Variants in ABLIM1 observed in about 807,000 individuals in gnomAD.
The protein encoded by ABLIM1 is actin-binding LIM protein 1.
In ABLIM1, 40 loss-of-function variants were observed where a neutral mutation model predicts 107.0. The ratio of observed to expected loss-of-function variants is 0.37; its 90% CI spans 0.29 to 0.49. The LOEUF is 0.49. Among genes scored for constraint, ABLIM1 ranks in the 20% least tolerant of loss-of-function variants. The pLI, the probability that ABLIM1 is intolerant of heterozygous loss-of-function variation, is 0.97. For missense variants in ABLIM1, 857 were observed against 1,008.5 expected (o/e 0.85, Z 2.04); for synonymous variants, 357 against 357.3 (o/e 1.00, Z 0.01).
chr10:114,527,386 A>G (rs993400974), intron 6 of ABLIM1, among the ~76,000 whole-genome samples: 7 of 152,296 alleles, frequency 4.6e-5, no homozygotes, highest in Admixed American at 3.3e-4. Flanking sequence ...CTTGATTCAT[A>G]TTTTTGGTAC....
chr10:114,490,416 A>T (rs1246614954), intron 7 of ABLIM1, among the ~76,000 whole-genome samples: 3 of 152,276 alleles, frequency 2.0e-5, no homozygotes, highest in Non-Finnish European at 4.4e-5. Context: ...CTTTCTGTAG[A>T]CTTTCCTAAG....
At chr10:114,565,442 C>T (rs890521186) in intron 4 of ABLIM1, among the ~76,000 whole-genome samples, 3 of 152,188 alleles carry the variant, frequency 2.0e-5, no homozygotes, top group Non-Finnish European at 4.4e-5. Context: ...TTTATAAGTA[C>T]ATAGCATTTT....
chr10:114,704,335 T>TATATATATATATATATATA (rs3061769), intron 1 of ABLIM1, among the ~76,000 whole-genome samples: 7 of 83,424 alleles, frequency 8.4e-5, no homozygotes, highest in Admixed American at 1.3e-4. Context: ...TATATATATA[T>TATATATATATATATATATA]TGCGCGCGTT....
rs1441961330 is a variant in ABLIM1, at chr10:114,520,862, C to T, written c.894+24143G>A. ...GCATGATGGCATGCACCTGTAGTCC[C>T]GGGACTCAGGAGACTGAGGCAGGGA... On this transcript the variant is annotated intron_variant, in intron 6 of 22. Coordinates refer to ENST00000533213, the MANE Select transcript of ABLIM1 (RefSeq NM_002313.7). 3.3e-5 allele frequency among the ~76,000 whole-genome samples: 5 copies of T among 151,804 alleles called. No homozygotes were observed. The East Asian group carries it at 5.8e-4, about 18-fold the overall frequency.
At chr10:114,481,655 G>A (rs769875944) in intron 8 of ABLIM1, among the ~76,000 whole-genome samples, 10 of 152,176 alleles carry the variant, frequency 6.6e-5, no homozygotes, top group South Asian at 2.1e-4. Flanking sequence ...GGTGCTGTGC[G>A]CACACACCAC....
chr10:114,648,220 A>T (rs2079087436), intron 1 of ABLIM1, among the ~76,000 whole-genome samples: 1 of 152,228 alleles, frequency 6.6e-6, no homozygotes, highest in Non-Finnish European at 1.5e-5. Context: ...ACACAAAAAC[A>T]TGTAACAAGT....
chr10:114,529,365 G>A (rs1046889326), intron 6 of ABLIM1, among the ~76,000 whole-genome samples: 3 of 151,868 alleles, frequency 2.0e-5, no homozygotes, highest in South Asian at 2.1e-4. Flanking sequence ...ACTCATGATC[G>A]CCTGCCTCAA....
upstream of ABLIM1, among the ~76,000 whole-genome samples, chr10:114,770,442 C>G (rs1414749759): frequency 6.6e-6 from 1 of 152,074 alleles, no homozygotes; most frequent in Non-Finnish European, 1.5e-5. Context: ...ACTATTTTTC[C>G]CTCTGTTTCT....
At chr10:114,542,047 G>A (rs1055034541) in intron 6 of ABLIM1, among the ~76,000 whole-genome samples, 7 of 152,162 alleles carry the variant, frequency 4.6e-5, no homozygotes, top group African/African-American at 7.2e-5. Flanking sequence ...TGGGGACCAC[G>A]TTCAGTATTT....
intron 1 of ABLIM1, chr10:114,684,240 G>A: frequency 6.4e-7 from 1 of 1,562,804 alleles, no homozygotes; most frequent in Non-Finnish European, 8.7e-7. Context: ...TAAAGACACG[G>A]TCGACCCCAG....
chr10:114,639,484 A>G (rs2078637975), intron 1 of ABLIM1, among the ~76,000 whole-genome samples: 1 of 152,180 alleles, frequency 6.6e-6, no homozygotes, highest in Non-Finnish European at 1.5e-5. Flanking sequence ...GCCTGATTAA[A>G]CACAGGCTGG....
chr10:114,511,207 T>C (rs1246631981), intron 6 of ABLIM1, among the ~76,000 whole-genome samples: 25 of 152,000 alleles, frequency 1.6e-4, no homozygotes, highest in Admixed American at 1.6e-3. Flanking sequence ...CAAACTAGTA[T>C]ACAAAAAATG....
intron 4 of ABLIM1, among the ~76,000 whole-genome samples, chr10:114,562,389 C>T (rs965479451): frequency 2.6e-5 from 4 of 152,028 alleles, no homozygotes; most frequent in Admixed American, 6.6e-5. Context: ...ATTAGCCGGG[C>T]GTGGTGGCGG....
intron 6 of ABLIM1, among the ~76,000 whole-genome samples, chr10:114,544,767 C>T (rs2067105186): frequency 6.6e-6 from 1 of 152,200 alleles, no homozygotes; most frequent in Admixed American, 6.5e-5. Context: ...ATAACTCCTA[C>T]CAGAACCTTT....
At chr10:114,517,790 G>A (rs550337774) in intron 6 of ABLIM1, among the ~76,000 whole-genome samples, 135 of 152,140 alleles carry the variant, frequency 8.9e-4, no homozygotes, top group Middle Eastern at 3.4e-3. Context: ...TTATTAGCTC[G>A]TCACCTGTAT....
intron 6 of ABLIM1, among the ~76,000 whole-genome samples, chr10:114,539,871 G>A (rs1324957846): frequency 1.3e-5 from 2 of 152,094 alleles, no homozygotes; most frequent in Non-Finnish European, 2.9e-5. Flanking sequence ...GCAGAAAGAA[G>A]GTGGGGGCAG....
At chr10:114,444,165 A>G (rs1484353592) in intron 16 of ABLIM1, 31 bp from the exon 17 acceptor site, 9 of 1,506,208 alleles carry the variant, frequency 6.0e-6, no homozygotes, top group East Asian at 2.3e-5. Context: ...AAAAAAAAAA[A>G]AAAGAAAGCA....
chr10:114,496,076 A>G (rs1353364193), intron 6 of ABLIM1, among the ~76,000 whole-genome samples: 1 of 152,238 alleles, frequency 6.6e-6, no homozygotes, highest in Admixed American at 6.5e-5. Context: ...CATTCACAAA[A>G]AGAAGGCACA....
intron 1 of ABLIM1, among the ~76,000 whole-genome samples, chr10:114,745,000 G>T (rs79448059): frequency 6.6e-6 from 1 of 152,064 alleles, no homozygotes; most frequent in Non-Finnish European, 1.5e-5. Flanking sequence ...CCTCTCCCCA[G>T]ATAGGGAGAA....
Sources: allele counts gnomAD v4.1 joint callset (sites outside exome capture counted in the v4.1 genomes callset), GRCh38; gene constraint gnomAD v4.1.1; transcripts MANE v1.5; gene names NCBI Gene and HGNC (gene_info 2026-07-23, HGNC 2026-07-21).